The following MORN4 variants were observed in gnomAD, a reference collection of about 807,000 sequenced individuals.
The protein encoded by MORN4 is MORN repeat-containing protein 4.
Under a neutral mutation model 16.4 loss-of-function variants are expected in MORN4, and 8 were observed. The observed-to-expected ratio is 0.49, with a 90% CI of 0.29 to 0.88. The LOEUF (loss-of-function observed/expected upper bound fraction) is 0.88, where lower values mean the gene tolerates loss of function less well. Ranked by LOEUF, MORN4 falls within the 40% of genes least tolerant of loss-of-function variation. MORN4 has a pLI of 0.09. For synonymous variants in MORN4, 53 were observed against 68.9 expected (o/e 0.77, Z 1.14); for missense variants, 159 against 182.9 (o/e 0.87, Z 0.75).
intron 2 of MORN4, among the ~76,000 whole-genome samples, chr10:97,618,968 T>C (rs901180343): frequency 6.6e-6 from 1 of 152,102 alleles, no homozygotes; most frequent in Non-Finnish European, 1.5e-5. Flanking sequence ...TAATAGTATG[T>C]GCCTACCTCA....
intron 3 of MORN4, 48 bp downstream of exon 3, chr10:97,617,160 C>A: frequency 1.4e-6 from 2 of 1,454,184 alleles, no homozygotes. Flanking sequence ...ATTTTTCTGT[C>A]AGACCCTCCC....
At chr10:97,617,156 C>T (rs547585137) in intron 3 of MORN4, 52 bp downstream of exon 3, 1 of 1,404,504 alleles carries the variant, frequency 7.1e-7, no homozygotes. Flanking sequence ...TCCCATTTTT[C>T]TGTCAGACCC....
At chr10:97,621,403 A>C (rs2041292336) in intron 1 of MORN4, among the ~76,000 whole-genome samples, 1 of 152,220 alleles carries the variant, frequency 6.6e-6, no homozygotes, top group Non-Finnish European at 1.5e-5. Context: ...ATGTAATATG[A>C]AGGCAGTGTG....
chr10:97,623,634 C>T (rs531788123), intron 1 of MORN4, among the ~76,000 whole-genome samples: 8 of 152,234 alleles, frequency 5.3e-5, no homozygotes, highest in Admixed American at 1.3e-4. Context: ...ACTTGAACTC[C>T]TAGGTTCAAG....
intron 1 of MORN4, among the ~76,000 whole-genome samples, chr10:97,632,703 A>ATT (rs552637866): frequency 8.1e-4 from 116 of 143,382 alleles, no homozygotes; most frequent in Middle Eastern, 3.5e-3. Flanking sequence ...CGCCAAAAAG[A>ATT]TTTTTTTTTT....
At chr10:97,627,557 C>T (rs1405274162) in intron 1 of MORN4, among the ~76,000 whole-genome samples, 1 of 152,184 alleles carries the variant, frequency 6.6e-6, no homozygotes. Context: ...TGGCTCTGTC[C>T]CAGCCATGAG....
chr10:97,621,915 T>C (rs941994254), intron 1 of MORN4, among the ~76,000 whole-genome samples: 1 of 151,966 alleles, frequency 6.6e-6, no homozygotes, highest in Non-Finnish European at 1.5e-5. Context: ...TGGACCTGGG[T>C]TGGCTGTGTG....
Position 97,617,216 on chromosome 10 carries a change from A to G in MORN4, c.174T>C (p.Asp58=). 1 of 1,613,706 alleles carries G rather than the reference A, an allele frequency of 6.2e-7. No individual in the cohort carries two copies. The highest frequency in any genetic ancestry group is 1.7e-5 in the Admixed American group (1 of 60,020). The change falls in exon 3 of 5, where the codon GAT becomes GAC. Residue 58 remains aspartate, a synonymous_variant. Transcript: ENST00000307450. ...FNGFGVLTFS[D]GSRYEGEFAQ... ...AATGACCTCATACCCACCTTGAACC[A>G]TCTGAGAAGGTCAATACCCCAAAGC...
rs188459015 is a variant in MORN4, at chr10:97,617,981, C to T, written c.68-659G>A. 2.8e-3 allele frequency among the ~76,000 whole-genome samples: 422 copies of T among 152,192 alleles called. 2 individuals are homozygous for T. The highest frequency in any genetic ancestry group is 9.4e-3 in the African/African-American group (389 of 41,530). On this transcript the variant is annotated intron_variant, in intron 2 of 4. Coordinates refer to ENST00000307450, the MANE Select transcript of MORN4 (RefSeq NM_178832.4). ...CCTGAGGTCAAGAGTTCAAGATCAG[C>T]CTGGCTAACATGGTGAAACCCCGTT...
intron 1 of MORN4, among the ~76,000 whole-genome samples, chr10:97,631,017 A>G (rs1249993682): frequency 1.3e-5 from 2 of 152,088 alleles, no homozygotes; most frequent in African/African-American, 4.8e-5. Context: ...CACCCAGCTA[A>G]TTTTTGCATT....
Position 97,619,464 on chromosome 10 carries a change from C to T in MORN4, c.67+123G>A, listed in dbSNP as rs748247111. The T allele has an allele frequency of 5.2e-6, 4 of 767,916 alleles. No individual in the cohort carries two copies. The Admixed American group carries it at 7.0e-5, about 13-fold the overall frequency. 47.6% of individuals were successfully genotyped at this position (767,916 alleles called of 1,614,324 possible). On this transcript the variant is annotated intron_variant, in intron 2 of 4. Coordinates refer to ENST00000307450, the MANE Select transcript of MORN4 (RefSeq NM_178832.4). ...AAATGGAATAAAGGAATGGCAGGCA[C>T]TATATGGAATTAAATCCTGGAGTTG...
At chr10:97,621,821 C>T (rs1009136263) in intron 1 of MORN4, among the ~76,000 whole-genome samples, 3 of 151,960 alleles carry the variant, frequency 2.0e-5, no homozygotes, top group Non-Finnish European at 4.4e-5. Flanking sequence ...GCCAAGATCG[C>T]ACCACTGCAT....
intron 1 of MORN4, among the ~76,000 whole-genome samples, chr10:97,631,054 G>A (rs764711443): frequency 4.6e-5 from 7 of 152,144 alleles, no homozygotes; most frequent in Admixed American, 1.3e-4. Context: ...GTTTTACCAC[G>A]TTGCCCATGC....
chr10:97,621,114 C>CT (rs1207047513), intron 1 of MORN4, among the ~76,000 whole-genome samples: 1 of 145,852 alleles, frequency 6.9e-6, no homozygotes, highest in East Asian at 2.0e-4. Context: ...GAGCAAGACT[C>CT]TGTCTCGAGA....
At chr10:97,618,354 T>C (rs1306358223) in intron 2 of MORN4, among the ~76,000 whole-genome samples, 1 of 136,448 alleles carries the variant, frequency 7.3e-6, no homozygotes, top group Non-Finnish European at 1.5e-5. Flanking sequence ...AACCTCCGCC[T>C]CCTGGTTTTA....
At position 97,633,404 on chromosome 10, in the gene MORN4, G is replaced by C. The variant is rs1410345882; in HGVS notation, c.-88C>G. Reference sequence around the variant, plus strand: ...CTGGACGCAGGGTTCCAGCGCCTCGGACTTTTCCTCTGATGGGCTCCCGGC... The same window carrying C: ...CTGGACGCAGGGTTCCAGCGCCTCGCACTTTTCCTCTGATGGGCTCCCGGC... On this transcript the variant is annotated 5_prime_UTR_variant, in exon 1 of 5. Transcript: ENST00000307450. This position sits in a 1 kb window ranked among gnomAD's most constrained non-coding sequence, Gnocchi z 4.5. 9.3e-6 allele frequency: 12 copies of C among 1,289,832 alleles called. No homozygotes were observed. The highest frequency in any genetic ancestry group is 1.1e-5 in the Non-Finnish European group (11 of 988,838). The allele number at this position is 1,289,832 out of a possible 1,614,324, so 79.9% of individuals were successfully genotyped here.
chr10:97,620,642 T>C (rs2041282193), intron 1 of MORN4, among the ~76,000 whole-genome samples: 1 of 151,500 alleles, frequency 6.6e-6, no homozygotes, highest in Admixed American at 6.6e-5. Context: ...TTGGGGAGTA[T>C]TAGGAAATAA....
chr10:97,616,541 A>G (rs905991961), intron 4 of MORN4, 130 bp from the exon 5 acceptor site: 27 of 1,277,112 alleles, frequency 2.1e-5, no homozygotes, highest in South Asian at 1.5e-4. Flanking sequence ...GGAGTACTCT[A>G]TTGATGAGTT....
At chr10:97,632,208 TC>T (rs1409311976) in intron 1 of MORN4, among the ~76,000 whole-genome samples, 2 of 122,332 alleles carry the variant, frequency 1.6e-5, no homozygotes, top group Middle Eastern at 4.5e-3. Flanking sequence ...CAAATAATAC[TC>T]CCCTTTTTTT....
Sources: gnomAD v4.1 joint callset for allele counts (sites outside exome capture counted in the v4.1 genomes callset) on GRCh38, gnomAD v4.1.1 for gene constraint, Gnocchi (gnomAD v3.1) non-coding constraint, MANE v1.5 for transcripts, NCBI Gene and HGNC (gene_info 2026-07-23, HGNC 2026-07-21) for gene names.